Variants in CDH2 observed in about 807,000 individuals in gnomAD.
CDH2 encodes the protein cadherin-2.
Under a neutral mutation model 92.0 loss-of-function variants are expected in CDH2, and 17 were observed. The observed-to-expected ratio is 0.18, with a 90% CI of 0.13 to 0.28. The LOEUF (loss-of-function observed/expected upper bound fraction) is 0.28. CDH2 is among the 10% of genes least tolerant of loss of function. CDH2 has a pLI of 1.00. For synonymous variants in CDH2, 419 were observed against 415.9 expected (o/e 1.01, Z -0.09); for missense variants, 862 against 1,133.1 (o/e 0.76, Z 3.44).
At chr18:28,014,921 T>G (rs1296179925) in intron 2 of CDH2, among the ~76,000 whole-genome samples, 1 of 152,194 alleles carries the variant, frequency 6.6e-6, no homozygotes, top group African/African-American at 2.4e-5. Context: ...GAAGAAAAAT[T>G]CTATGGGAAT....
chr18:28,006,717 CAAAA>C (rs35592550), intron 5 of CDH2, among the ~76,000 whole-genome samples: 2 of 77,614 alleles, frequency 2.6e-5, no homozygotes. Flanking sequence ...GACTCTGTCT[CAAAA>C]AAAAAAAAAA....
chr18:27,990,656 T>A (rs899949153), intron 9 of CDH2, among the ~76,000 whole-genome samples: 20 of 152,196 alleles, frequency 1.3e-4, no homozygotes, highest in African/African-American at 4.6e-4. Context: ...AAGAATAGCA[T>A]TGTTGACTAA....
At chr18:27,968,202 G>T (rs2011576316) in intron 14 of CDH2, among the ~76,000 whole-genome samples, 1 of 152,164 alleles carries the variant, frequency 6.6e-6, no homozygotes, top group Non-Finnish European at 1.5e-5. Flanking sequence ...TTCTAAGTGG[G>T]TGTTATTGTT....
intron 5 of CDH2, 75 bp downstream of exon 5, chr18:28,009,642 A>C: frequency 9.6e-6 from 13 of 1,348,342 alleles, no homozygotes; most frequent in Non-Finnish European, 1.3e-5. Context: ...TCAGACTGAT[A>C]TAAGAGGCAA....
At chr18:28,104,966 A>ATT (rs201543388) in intron 2 of CDH2, among the ~76,000 whole-genome samples, 1 of 151,152 alleles carries the variant, frequency 6.6e-6, no homozygotes, top group African/African-American at 2.4e-5. Context: ...TGATACCATG[A>ATT]TTTTTTTTTA....
chr18:28,153,633 T>C (rs1342718183), intron 1 of CDH2, among the ~76,000 whole-genome samples: 1 of 152,198 alleles, frequency 6.6e-6, no homozygotes, highest in Non-Finnish European at 1.5e-5. Context: ...ACTGCCTGGC[T>C]TTAAATCCCA....
chr18:28,012,220 T>C (rs1387662605), intron 3 of CDH2, among the ~76,000 whole-genome samples: 1 of 152,242 alleles, frequency 6.6e-6, no homozygotes, highest in East Asian at 1.9e-4. Context: ...ATTTATTATA[T>C]GGCACAGCTG....
intron 2 of CDH2, among the ~76,000 whole-genome samples, chr18:28,129,001 C>T (rs1435774975): frequency 4.6e-5 from 7 of 152,220 alleles, no homozygotes; most frequent in South Asian, 2.1e-4. Flanking sequence ...AACAACAGGC[C>T]ACACCCATAA....
intron 1 of CDH2, among the ~76,000 whole-genome samples, chr18:28,154,562 G>T (rs2144340501): frequency 6.6e-6 from 1 of 152,298 alleles, no homozygotes; most frequent in East Asian, 1.9e-4. Flanking sequence ...CTCTGTTCTG[G>T]TTCTGCACTC....
rs199902980 is a variant in CDH2 at position 28,013,699 on chromosome 18, G to C, written c.383C>G (p.Thr128Ser). The C allele has an allele frequency of 6.2e-6, 10 of 1,613,274 alleles. No individual in the cohort carries two copies. The highest frequency in any genetic ancestry group is 5.0e-5 in the Admixed American group (3 of 59,980). Residue 128 changes from threonine to serine, a missense_variant, in exon 3 of 16, where the codon ACT becomes AGT. Physicochemically the swap from Thr to Ser is moderately conservative, Grantham distance 58. Coordinates refer to ENST00000269141, the MANE Select transcript of CDH2 (RefSeq NM_001792.5). ...AVKLSLKPTL[T>S]EESVKESAEV... ...ATACTATACCTTCACTGACTCCTCA[G>C]TTAAGGTTGGCTTCAGGCTCAATTT...
At chr18:27,961,299 C>T (rs1158862767) in intron 15 of CDH2, among the ~76,000 whole-genome samples, 2 of 151,010 alleles carry the variant, frequency 1.3e-5, no homozygotes, top group African/African-American at 4.9e-5. Flanking sequence ...AAAACATGAA[C>T]AAGAAATAGC....
intron 15 of CDH2, among the ~76,000 whole-genome samples, chr18:27,960,398 A>T (rs1178317161): frequency 6.6e-6 from 1 of 152,240 alleles, no homozygotes. Flanking sequence ...GATGGGCACC[A>T]GCATGAAATT....
At chr18:27,973,317 G>A (rs59564962) in intron 14 of CDH2, among the ~76,000 whole-genome samples, 4 of 152,176 alleles carry the variant, frequency 2.6e-5, no homozygotes, top group Admixed American at 6.5e-5. Flanking sequence ...AGGCCACTAA[G>A]AGGCACTTCT....
chr18:28,166,321 C>A (rs1449101108), intron 1 of CDH2, among the ~76,000 whole-genome samples: 1 of 151,664 alleles, frequency 6.6e-6, no homozygotes. Context: ...ACGCAATCTG[C>A]AAAATAATCC....
chr18:27,979,452 C>T (rs557891638), intron 14 of CDH2, among the ~76,000 whole-genome samples: 11 of 152,310 alleles, frequency 7.2e-5, no homozygotes, highest in Admixed American at 7.2e-4. Context: ...TGCACATATG[C>T]ACACTCTGTG....
intron 6 of CDH2, among the ~76,000 whole-genome samples, chr18:27,940,688 G>T (rs1469311855): frequency 6.6e-6 from 1 of 152,088 alleles, no homozygotes; most frequent in Non-Finnish European, 1.5e-5. Context: ...TTTCCTAGAG[G>T]ACTAGTCACG....
intron 2 of CDH2, among the ~76,000 whole-genome samples, chr18:28,044,522 G>T (rs145023595): frequency 7.2e-5 from 11 of 152,128 alleles, no homozygotes; most frequent in East Asian, 5.8e-4. Flanking sequence ...ATAAAATTAA[G>T]ACTATAAATA....
At chr18:28,022,708 A>C (rs990990658) in intron 2 of CDH2, among the ~76,000 whole-genome samples, 3 of 152,156 alleles carry the variant, frequency 2.0e-5, no homozygotes, top group Admixed American at 2.0e-4. Context: ...AATTTTTCCT[A>C]TTAAGTACTT....
intron 14 of CDH2, among the ~76,000 whole-genome samples, chr18:27,974,414 G>C (rs765759676): frequency 9.9e-5 from 15 of 152,182 alleles, no homozygotes; most frequent in Non-Finnish European, 1.6e-4. Flanking sequence ...TTTTTGAAAG[G>C]ATTAGGAAAC....
Sources: allele counts gnomAD v4.1 joint callset (sites outside exome capture counted in the v4.1 genomes callset), GRCh38; gene constraint gnomAD v4.1.1; transcripts MANE v1.5; gene names NCBI Gene and HGNC (gene_info 2026-07-23, HGNC 2026-07-21).